The following MSR1 variants were observed in gnomAD, a reference collection of about 807,000 sequenced individuals.
MSR1 encodes the protein macrophage scavenger receptor 1.
MSR1 carries 53 observed loss-of-function variants against 47.2 expected under a neutral mutation model. That is an observed-to-expected ratio of 1.12 (90% CI 0.90 to 1.41). The LOEUF (loss-of-function observed/expected upper bound fraction) is 1.41. Ranked by LOEUF, MSR1 falls within the 40% of genes most tolerant of loss-of-function variation. The probability of loss-of-function intolerance (pLI) is 0.00; values close to 1 mark genes in which losing one functional copy is unlikely to be tolerated. For synonymous variants in MSR1, 239 were observed against 185.6 expected (o/e 1.29, Z -2.34); for missense variants, 786 against 546.9 (o/e 1.44, Z -4.36).
chr8:16,131,441 G>GTTTCTTTTTTTTT (rs1800254428), intron 8 of MSR1, among the ~76,000 whole-genome samples: 1 of 54,660 alleles, frequency 1.8e-5, no homozygotes, highest in African/African-American at 8.1e-5. Flanking sequence ...TCTGTTGATA[G>GTTTCTTTTTTTTT]TTTTTTTTTT....
At chr8:16,154,924 A>T in intron 6 of MSR1, 140 bp downstream of exon 6, 2 of 700,092 alleles carry the variant, frequency 2.9e-6, no homozygotes, top group Non-Finnish European at 5.0e-6. Flanking sequence ...ATATACACAC[A>T]TGTGCGTGCA....
intron 5 of MSR1, among the ~76,000 whole-genome samples, chr8:16,155,974 G>C (rs1021824608): frequency 6.6e-6 from 1 of 151,710 alleles, no homozygotes; most frequent in Admixed American, 6.6e-5. Context: ...TATTTTCTGT[G>C]TCCAGCAAAA....
chr8:16,189,223 T>C (rs1348579818), intron 1 of MSR1, among the ~76,000 whole-genome samples: 1 of 130,188 alleles, frequency 7.7e-6, no homozygotes, highest in Non-Finnish European at 1.6e-5. Flanking sequence ...TTCATATATG[T>C]AAAATCTTAT....
At chr8:16,140,314 A>G in intron 8 of MSR1, 1 of 985,166 alleles carries the variant, frequency 1.0e-6, no homozygotes, top group Non-Finnish European at 1.2e-6. Flanking sequence ...CCCTTGACTC[A>G]GTCTTTACTT....
At chr8:16,187,670 G>C (rs1035240648) in intron 1 of MSR1, among the ~76,000 whole-genome samples, 1 of 152,020 alleles carries the variant, frequency 6.6e-6, no homozygotes, top group Admixed American at 6.6e-5. Context: ...TAAATGAAAG[G>C]CAAGATATTT....
intron 9 of MSR1, among the ~76,000 whole-genome samples, chr8:16,118,881 G>C (rs1008785453): frequency 1.3e-5 from 2 of 152,102 alleles, no homozygotes; most frequent in African/African-American, 4.8e-5. Context: ...TTGACCTTGA[G>C]AATATCTTAC....
chr8:16,129,927 T>A (rs1410937157), intron 8 of MSR1, among the ~76,000 whole-genome samples: 1 of 152,002 alleles, frequency 6.6e-6, no homozygotes, highest in Non-Finnish European at 1.5e-5. Flanking sequence ...AAGCCTGGAG[T>A]TGTTTCTTCA....
chr8:16,115,455 A>T (rs1420268663), intron 9 of MSR1, among the ~76,000 whole-genome samples: 1 of 152,096 alleles, frequency 6.6e-6, no homozygotes, highest in African/African-American at 2.4e-5. Flanking sequence ...TTCCATAAAA[A>T]CCTCGTTTGC....
chr8:16,114,064 T>A (rs1012988818), intron 9 of MSR1, among the ~76,000 whole-genome samples: 2 of 152,176 alleles, frequency 1.3e-5, no homozygotes. Context: ...AACATTCAAA[T>A]GTTTACATTT....
At chr8:16,157,317 T>C (rs1458652278) in intron 5 of MSR1, among the ~76,000 whole-genome samples, 1 of 151,942 alleles carries the variant, frequency 6.6e-6, no homozygotes, top group African/African-American at 2.4e-5. Flanking sequence ...ATGGGAACTG[T>C]ATACTTAATT....
At chr8:16,141,335 G>A (rs1385969264) in intron 8 of MSR1, among the ~76,000 whole-genome samples, 3 of 152,162 alleles carry the variant, frequency 2.0e-5, no homozygotes, top group Non-Finnish European at 2.9e-5. Context: ...ATGTGAGAGT[G>A]TTGAATGTAG....
chr8:16,169,915 A>G (rs1801432138), intron 3 of MSR1, among the ~76,000 whole-genome samples: 1 of 152,170 alleles, frequency 6.6e-6, no homozygotes, highest in Admixed American at 6.5e-5. Context: ...CTAAAATAGT[A>G]TTTTAGGAAC....
At chr8:16,177,002 G>T (rs1035218782) in intron 2 of MSR1, among the ~76,000 whole-genome samples, 1 of 152,070 alleles carries the variant, frequency 6.6e-6, no homozygotes, top group Admixed American at 6.6e-5. Context: ...TCCCCTTAGC[G>T]ATATGTATTT....
chr8:16,179,586 A>G (rs1189702451), intron 1 of MSR1, among the ~76,000 whole-genome samples: 2 of 152,134 alleles, frequency 1.3e-5, no homozygotes, highest in African/African-American at 4.8e-5. Flanking sequence ...TCTTTTAAGA[A>G]AATTATTTAT....
intron 1 of MSR1, among the ~76,000 whole-genome samples, chr8:16,181,753 C>A (rs1245795212): frequency 6.6e-6 from 1 of 150,768 alleles, no homozygotes; most frequent in Non-Finnish European, 1.5e-5. Flanking sequence ...ACCTATGTAA[C>A]AAACCTGCAC....
At chr8:16,139,757 AAAAAAAAAAAAAAAAAAATAT>A (rs1800483896) in intron 8 of MSR1, 2 of 153,018 alleles carry the variant, frequency 1.3e-5, no homozygotes, top group African/African-American at 1.8e-4. Flanking sequence ...TAAAAAAAAA[AAAAAAAAAAAAAAAAAAATAT>A]ATATATATAT....
At position 16,168,474 on chromosome 8, in the gene MSR1, G is replaced by A. The variant is rs777602467; in HGVS notation, c.614C>T (p.Thr205Ile). 2.5e-5 allele frequency: 41 copies of A among 1,613,952 alleles called. No individual in the cohort carries two copies. The highest frequency in any genetic ancestry group is 3.1e-5 in the Non-Finnish European group (37 of 1,179,990). ...AACTCTTACCTCTTGTTGTTTGAAGGTATTCTCTTGGATTTTGCCATTCAG... is the reference window on the plus strand; with the variant it reads ...AACTCTTACCTCTTGTTGTTTGAAGATATTCTCTTGGATTTTGCCATTCAG... The part of the protein sequence containing the change: ...ENLNGKIQEN[T>I]FKQQEEISKL... The change falls in exon 4 of 10, where the codon ACC (threonine) becomes ATC (isoleucine). Residue 205 changes from threonine (T) to isoleucine (I), a missense_variant. By Grantham distance (89) the Thr-to-Ile change is moderately conservative (BLOSUM62 -1). Transcript: ENST00000262101.
intron 5 of MSR1, among the ~76,000 whole-genome samples, chr8:16,157,191 A>G (rs1160081868): frequency 6.6e-6 from 1 of 152,004 alleles, no homozygotes; most frequent in African/African-American, 2.4e-5. Flanking sequence ...GGACACAGAG[A>G]ATAGATCTAG....
intron 8 of MSR1, among the ~76,000 whole-genome samples, chr8:16,141,721 C>A (rs1249938237): frequency 2.0e-5 from 3 of 151,988 alleles, no homozygotes; most frequent in Non-Finnish European, 4.4e-5. Flanking sequence ...CATGAAAATA[C>A]TGTAACTGAA....
Sources: gnomAD v4.1 joint callset for allele counts (sites outside exome capture counted in the v4.1 genomes callset) on GRCh38, gnomAD v4.1.1 for gene constraint, MANE v1.5 for transcripts, NCBI Gene and HGNC (gene_info 2026-07-23, HGNC 2026-07-21) for gene names.